Variants in CDHR2 observed in about 807,000 individuals in gnomAD.
CDHR2 encodes cadherin related family member 2.
In CDHR2, 104 loss-of-function variants were observed where a neutral mutation model predicts 138.6. The ratio of observed to expected loss-of-function variants is 0.75; its 90% CI spans 0.64 to 0.88. The LOEUF is 0.88. Ranked by LOEUF, CDHR2 falls within the 40% of genes least tolerant of loss-of-function variation. The pLI is 0.00. For synonymous variants in CDHR2, 755 were observed against 742.8 expected (o/e 1.02, Z -0.27); for missense variants, 1,624 against 1,727.6 (o/e 0.94, Z 1.06).
Position 176,584,700 on chromosome 5 carries a change from A to G in CDHR2, c.2419A>G (p.Thr807Ala), listed in dbSNP as rs779744440. The G allele has an allele frequency of 5.0e-6, 8 of 1,613,964 alleles. No individual in the cohort carries two copies. Among genetic ancestry groups the G allele is most frequent in the Non-Finnish European group, 6.8e-6 (8 of 1,180,016 alleles). Residue 807 changes from threonine to alanine, a missense_variant, in exon 19 of 32, where the codon ACC becomes GCC. Thr to Ala is a moderately conservative substitution (Grantham distance 58). Coordinates refer to ENST00000261944, the MANE Select transcript of CDHR2 (RefSeq NM_017675.6). The stretch of plus-strand genomic sequence containing the variant: ...GAAAGACGTGAACGACAATCCCCCC[A>G]CCCTGGATGTAGCCTCACTCCGGGG... ...NVKDVNDNPP[T>A]LDVASLRGIR...
At chr5:176,548,678 G>A (rs1403297702), upstream of CDHR2, among the ~76,000 whole-genome samples, 2 of 152,122 alleles carry the variant, frequency 1.3e-5, no homozygotes, top group Admixed American at 1.3e-4. Flanking sequence ...AGGAAGCAGA[G>A]ATTGCAGTGA....
intron 31 of CDHR2, 21 bp from the exon 32 acceptor site, chr5:176,595,511 C>A: frequency 6.4e-7 from 1 of 1,571,378 alleles, no homozygotes; most frequent in Non-Finnish European, 8.6e-7. Flanking sequence ...CCCTTCACAC[C>A]TCCTCTCCCT....
At chr5:176,563,307 C>T (rs1021221645) in intron 1 of CDHR2, among the ~76,000 whole-genome samples, 1 of 152,128 alleles carries the variant, frequency 6.6e-6, no homozygotes, top group African/African-American at 2.4e-5. Flanking sequence ...GAGATGGCAC[C>T]ACTGCACTCC....
chr5:176,587,537 T>C (rs901920814), intron 21 of CDHR2, among the ~76,000 whole-genome samples: 5 of 152,132 alleles, frequency 3.3e-5, no homozygotes, highest in Non-Finnish European at 7.4e-5. Flanking sequence ...GCAAGTTTAT[T>C]AGGGGTGGTG....
chr5:176,570,486 C>T (rs1014683457), intron 5 of CDHR2, among the ~76,000 whole-genome samples: 2 of 152,156 alleles, frequency 1.3e-5, no homozygotes, highest in Non-Finnish European at 1.5e-5. Context: ...GCTGGGACTA[C>T]AGGCGCTCAC....
chr5:176,544,437 T>TTCTTTCTTTCTC (rs1554140324), upstream of CDHR2, among the ~76,000 whole-genome samples: 2 of 2,910 alleles, frequency 6.9e-4, no homozygotes, highest in Admixed American at 4.2e-3. Flanking sequence ...TTTTCTTTCT[T>TTCTTTCTTTCTC]TCTTTCTCTC....
intron 30 of CDHR2, 141 bp from the exon 31 acceptor site, chr5:176,592,582 T>C: frequency 1.5e-6 from 1 of 687,116 alleles, no homozygotes; most frequent in South Asian, 1.6e-5. Flanking sequence ...TGATGGTAGT[T>C]GTGATGATGG....
intron 21 of CDHR2, among the ~76,000 whole-genome samples, chr5:176,588,654 A>T (rs1758751069): frequency 7.1e-6 from 1 of 141,044 alleles, no homozygotes; most frequent in Non-Finnish European, 1.5e-5. Context: ...TGAGTGGGAC[A>T]GTGTGTGAGA....
Position 176,584,275 on chromosome 5 carries a change from G to A in CDHR2, c.2128+16G>A. On this transcript the variant is annotated intron_variant, in intron 18 of 31. Coordinates refer to ENST00000261944, the MANE Select transcript of CDHR2 (RefSeq NM_017675.6). ...GAGGATCCAGGTATGTGCTCCCTGGGCCAGGAGAGACACTGCGGCTGGGAC... is the reference window on the plus strand; with the variant it reads ...GAGGATCCAGGTATGTGCTCCCTGGACCAGGAGAGACACTGCGGCTGGGAC... 1 of 1,613,520 alleles carries A rather than the reference G, an allele frequency of 6.2e-7. No individual in the cohort carries two copies. Among genetic ancestry groups the A allele is most frequent in the Non-Finnish European group, 8.5e-7 (1 of 1,179,432 alleles).
rs377031839 is a variant in CDHR2 at position 176,589,011 on chromosome 5, T to C, written c.2857-20T>C. 2 of 1,612,894 alleles carry C rather than the reference T, an allele frequency of 1.2e-6. No homozygotes were observed. The highest frequency in any genetic ancestry group is 2.2e-5 in the East Asian group (1 of 44,862). On this transcript the variant is annotated intron_variant, in intron 21 of 31. Coordinates refer to ENST00000261944, the MANE Select transcript of CDHR2 (RefSeq NM_017675.6). The stretch of plus-strand genomic sequence containing the variant: ...CCTGGCCTGGCTGGGCCCCCAGATA[T>C]TGTCCACTCTTGCTCCCAGGCCAGA...
chr5:176,548,609 G>A (rs777991799), upstream of CDHR2, among the ~76,000 whole-genome samples: 2 of 152,182 alleles, frequency 1.3e-5, no homozygotes, highest in African/African-American at 4.8e-5. Flanking sequence ...CGGGTGTGGA[G>A]GCCCACGCCT....
intron 1 of CDHR2, among the ~76,000 whole-genome samples, chr5:176,554,357 G>T (rs537512890): frequency 6.6e-6 from 1 of 152,322 alleles, no homozygotes; most frequent in African/African-American, 2.4e-5. Flanking sequence ...CAGCCATAAG[G>T]TGAGGACAAC....
rs146385509 is a variant in CDHR2, at chr5:176,553,724, C to T, written c.-16+4310C>T. Among the ~76,000 whole-genome samples the T allele has an allele frequency of 2.0e-5, 3 of 152,226 alleles. No individual in the cohort carries two copies. The highest frequency in any genetic ancestry group is 2.9e-5 in the Non-Finnish European group (2 of 67,994). Reference sequence around the variant, plus strand: ...TCACCTGCGTCTCCACCGCCAGCCCCGCCACCACCACCATCTCCCTCCCCC... The same window carrying T: ...TCACCTGCGTCTCCACCGCCAGCCCTGCCACCACCACCATCTCCCTCCCCC... On this transcript the variant is annotated intron_variant, in intron 1 of 31. Transcript: ENST00000261944. This position sits in a 1 kb window ranked among gnomAD's most constrained non-coding sequence, Gnocchi z 4.3.
intron 17 of CDHR2, among the ~76,000 whole-genome samples, 193 bp from the exon 18 acceptor site, chr5:176,583,997 C>T (rs781753757): frequency 1.3e-5 from 2 of 152,102 alleles, no homozygotes; most frequent in African/African-American, 2.4e-5. Context: ...ACTGTAGGTC[C>T]CTGAACCCCG....
intron 1 of CDHR2, chr5:176,556,601 C>T (rs1366196132): frequency 6.6e-6 from 1 of 152,162 alleles, no homozygotes. Flanking sequence ...GGAGGCGGAG[C>T]TTGCAGTGAG....
chr5:176,590,115 G>A lies in CDHR2; in HGVS notation c.3244G>A (p.Val1082Met). 1 of 1,613,912 alleles carries A rather than the reference G, an allele frequency of 6.2e-7. No homozygotes were observed. Among genetic ancestry groups the A allele is most frequent in the Non-Finnish European group, 8.5e-7 (1 of 1,180,006 alleles). ...TQATRTTVYIVDIQDIDSAAR... is the reference protein window; with the variant it reads ...TQATRTTVYIMDIQDIDSAAR... ...GGCAACCAGGACTACAGTATACATT[G>A]TGGACATTCAGGACATAGATTCTGC... The change falls in exon 25 of 32, where the codon GTG (valine) becomes ATG (methionine). Residue 1082 changes from valine (V) to methionine (M), a missense_variant. By Grantham distance (21) the Val-to-Met change is conservative (BLOSUM62 1). Around this residue, in one of 3 missense-constraint regions of CDHR2, gnomAD observed 556 missense variants for 565.7 expected, o/e 0.98. Coordinates refer to ENST00000261944, the MANE Select transcript of CDHR2 (RefSeq NM_017675.6).
chr5:176,582,630 A>G (rs1758557592), intron 17 of CDHR2, among the ~76,000 whole-genome samples: 1 of 152,132 alleles, frequency 6.6e-6, no homozygotes, highest in African/African-American at 2.4e-5. Context: ...CTAAAATAAA[A>G]AATTAGCCAG....
chr5:176,590,151 G>C lies in CDHR2; in HGVS notation c.3275+5G>C. 2 of 1,613,330 alleles carry C rather than the reference G, an allele frequency of 1.2e-6. No individual in the cohort carries two copies. Among genetic ancestry groups the C allele is most frequent in the Non-Finnish European group, 8.5e-7 (1 of 1,179,540 alleles). Reference sequence around the variant, plus strand: ...GGACATAGATTCTGCAGCTCGGTGAGTGCCCAGAGGCCTGGGGGTGGGGTT... The same window carrying C: ...GGACATAGATTCTGCAGCTCGGTGACTGCCCAGAGGCCTGGGGGTGGGGTT... On this transcript the variant is annotated splice_donor_5th_base_variant and intron_variant, in intron 25 of 31. Transcript: ENST00000261944.
Position 176,577,428 on chromosome 5 carries a change from G to C in CDHR2, c.1224G>C (p.Leu408=), listed in dbSNP as rs1581142466. The C allele has an allele frequency of 1.2e-6, 2 of 1,609,202 alleles. No homozygotes were observed. Among genetic ancestry groups the C allele is most frequent in the Non-Finnish European group, 1.7e-6 (2 of 1,178,314 alleles). ...GCAATGGCACCTTCCTGTTGTCGCT[G>C]GGGGGCCCCGATGCAGAAGCCTTCA... The part of the protein sequence containing the change: ...KGSNGTFLLS[L]GGPDAEAFSV... Residue 408 remains leucine (L), a synonymous_variant, in exon 13 of 32, where the codon CTG becomes CTC. Transcript: ENST00000261944.
Sources: allele counts gnomAD v4.1 joint callset (sites outside exome capture counted in the v4.1 genomes callset), GRCh38; gene constraint gnomAD v4.1.1; regional missense constraint gnomAD v4.1.1; non-coding constraint Gnocchi (gnomAD v3.1); transcripts MANE v1.5; gene names NCBI Gene and HGNC (gene_info 2026-07-23, HGNC 2026-07-21).